The following RAP1GAP2 variants were observed in gnomAD, a reference collection of about 807,000 sequenced individuals.
The protein encoded by RAP1GAP2 is rap1 GTPase-activating protein 2.
In RAP1GAP2, 27 loss-of-function variants were observed where a neutral mutation model predicts 95.0. The observed-to-expected ratio is 0.28, with a 90% CI of 0.21 to 0.39. The LOEUF is 0.39. Ranked by LOEUF, RAP1GAP2 falls within the 10% of genes least tolerant of loss-of-function variation. RAP1GAP2 has a pLI of 1.00. For missense variants in RAP1GAP2, 771 were observed against 970.0 expected, an observed-to-expected ratio of 0.79 and a Z score of 2.72; for synonymous variants, 373 against 380.9, an observed-to-expected ratio of 0.98 and a Z score of 0.24.
In RAP1GAP2 at chr17:3,036,344, AACCC is replaced by A; in HGVS notation, c.*2985_*2988del. On this transcript the variant is annotated 3_prime_UTR_variant, in exon 25 of 25. Transcript: ENST00000254695. ...TGGCAAAGCTGGGATTAGAACCCTC[AACCC>A]AGGGTCCCTTCCTCTGCAGCGCCTA... The A allele has an allele frequency of 1.3e-5, 2 of 152,224 alleles. No homozygotes were observed. The highest frequency in any genetic ancestry group is 2.4e-5 in the African/African-American group (1 of 41,454). The allele number at this position is 152,224 out of a possible 1,614,324, so 9.4% of individuals were successfully genotyped here.
chr17:2,965,259 C>T lies in RAP1GAP2; in HGVS notation c.493-281C>T. 2.2e-6 allele frequency: 1 copy of T among 457,172 alleles called. No homozygotes were observed. Among genetic ancestry groups the T allele is most frequent in the East Asian group, 4.1e-5 (1 of 24,630 alleles). The allele number at this position is 457,172 out of a possible 1,614,324, so 28.3% of individuals were successfully genotyped here. On this transcript the variant is annotated intron_variant, in intron 7 of 24. Coordinates refer to ENST00000254695, the MANE Select transcript of RAP1GAP2 (RefSeq NM_015085.5). The surrounding 1 kb of genome is among the most constrained non-coding windows in gnomAD (Gnocchi z 4.7). ...CCTGGGCAGTGACTTAACCCCCCGA[C>T]CATTGGTTTTCCCATCTGTGAAATG...
rs900689645 is a variant in RAP1GAP2 at position 2,859,101 on chromosome 17, T to G, written c.81-46183T>G. ...ATGTGTCTCTTAATCTGTATTTTCCTCCAACTCTTTTTTTTTTTTTTTTTT... is the reference window on the plus strand; with the variant it reads ...ATGTGTCTCTTAATCTGTATTTTCCGCCAACTCTTTTTTTTTTTTTTTTTT... On this transcript the variant is annotated intron_variant, in intron 2 of 24. Transcript: ENST00000254695. Among the ~76,000 whole-genome samples, 17 of 149,834 alleles carry G rather than the reference T, an allele frequency of 1.1e-4. No homozygotes were observed. In the South Asian group the frequency reaches 3.6e-3, roughly 32 times the overall value.
At chr17:2,845,179 G>T (rs991002080) in intron 2 of RAP1GAP2, among the ~76,000 whole-genome samples, 3 of 152,184 alleles carry the variant, frequency 2.0e-5, no homozygotes, top group Admixed American at 2.0e-4. Flanking sequence ...GTCTCACTCT[G>T]TTGCTCACGC....
chr17:2,801,541 G>A (rs901850691), intron 2 of RAP1GAP2, among the ~76,000 whole-genome samples: 3 of 151,054 alleles, frequency 2.0e-5, no homozygotes, highest in Non-Finnish European at 2.9e-5. Flanking sequence ...TCCCAATCCT[G>A]GCAGTGACTT....
intron 17 of RAP1GAP2, among the ~76,000 whole-genome samples, chr17:3,015,537 G>A (rs2046730181): frequency 6.6e-6 from 1 of 152,140 alleles, no homozygotes; most frequent in Non-Finnish European, 1.5e-5. Context: ...GATGACTCAA[G>A]GCTGGGCGTG....
intron 2 of RAP1GAP2, among the ~76,000 whole-genome samples, chr17:2,821,397 A>G (rs556659670): frequency 5.0e-4 from 62 of 124,256 alleles, no homozygotes; most frequent in African/African-American, 1.9e-3. Flanking sequence ...TTTTTTTGAG[A>G]CGGAGTCTCG....
intron 8 of RAP1GAP2, among the ~76,000 whole-genome samples, chr17:2,973,071 T>G (rs1272072786): frequency 6.6e-6 from 1 of 152,112 alleles, no homozygotes; most frequent in Non-Finnish European, 1.5e-5. Context: ...GGAGGGTGTG[T>G]CTGAGTGTGT....
chr17:2,961,890 A>ATT lies in RAP1GAP2; in HGVS notation c.202-757_202-756dup, dbSNP rs34857082. 8.8e-3 allele frequency among the ~76,000 whole-genome samples: 984 copies of ATT among 111,954 alleles called. 1 individual carries two copies. The highest frequency in any genetic ancestry group is 0.013 in the Non-Finnish European group (722 of 56,152). 73.4% of individuals were successfully genotyped at this position (111,954 alleles called of 152,430 possible). ...CCTTACTGGCTCTGTGACCCTAAGGATTTTTTTTTTTTTTTTTTTTTTTTA... is the reference window on the plus strand; with the variant it reads ...CCTTACTGGCTCTGTGACCCTAAGGATTTTTTTTTTTTTTTTTTTTTTTTTTA... On this transcript the variant is annotated intron_variant, in intron 4 of 24. Transcript: ENST00000254695.
chr17:2,792,362 T>C (rs178576), upstream of RAP1GAP2, among the ~76,000 whole-genome samples: 147,908 of 152,296 alleles, frequency 0.97, 71,967 homozygotes, highest in East Asian at 1. Flanking sequence ...TGTTTCTGTT[T>C]GCTGATAAAC....
intron 2 of RAP1GAP2, among the ~76,000 whole-genome samples, chr17:2,771,239 T>C (rs1567635987): frequency 6.6e-6 from 1 of 152,194 alleles, no homozygotes; most frequent in East Asian, 1.9e-4. Context: ...TCCTTTCCCA[T>C]GCCAGAGAGT....
intron 2 of RAP1GAP2, among the ~76,000 whole-genome samples, chr17:2,856,274 G>A (rs2072131406): frequency 6.6e-6 from 1 of 152,248 alleles, no homozygotes; most frequent in East Asian, 1.9e-4. Context: ...TGGTTGGGGG[G>A]TGGAGAGGAA....
In RAP1GAP2 at chr17:3,036,268, T is replaced by C. The variant is rs2047462957; in HGVS notation, c.*2907T>C. 1 of 152,212 alleles carries C rather than the reference T, an allele frequency of 6.6e-6. No homozygotes were observed. Among genetic ancestry groups the C allele is most frequent in the African/African-American group, 2.4e-5 (1 of 41,456 alleles). The allele number at this position is 152,212 out of a possible 1,614,324, so 9.4% of individuals were successfully genotyped here. A position where few individuals can be genotyped will look rare whatever the true frequency, so the allele number is the denominator to read the frequency against. ...ACCATGTCATCGTCCAGATGAGAAA[T>C]CTTAGCCCAGGTGAGGGGAGTAACT... On this transcript the variant is annotated 3_prime_UTR_variant, in exon 25 of 25. Transcript: ENST00000254695.
intron 1 of RAP1GAP2, among the ~76,000 whole-genome samples, chr17:2,786,649 T>C (rs2068783948): frequency 6.6e-6 from 1 of 151,958 alleles, no homozygotes; most frequent in South Asian, 2.1e-4. Context: ...AATTTTTTTT[T>C]TTTTTAATGT....
intron 2 of RAP1GAP2, among the ~76,000 whole-genome samples, chr17:2,806,653 T>A (rs1466852403): frequency 6.6e-6 from 1 of 151,632 alleles, no homozygotes; most frequent in Non-Finnish European, 1.5e-5. Context: ...TGTCTCGGCC[T>A]CCCAAAGTGC....
intron 3 of RAP1GAP2, among the ~76,000 whole-genome samples, chr17:2,928,733 G>A (rs1045754565): frequency 2.3e-4 from 35 of 152,046 alleles, no homozygotes; most frequent in African/African-American, 7.5e-4. Context: ...AATTCTCCTC[G>A]CTTGATGCGT....
intron 8 of RAP1GAP2, among the ~76,000 whole-genome samples, chr17:2,969,595 A>G (rs2044770139): frequency 1.5e-5 from 2 of 134,476 alleles, no homozygotes; most frequent in African/African-American, 5.6e-5. Flanking sequence ...TGCAACTCCC[A>G]GGTTCAAGCA....
chr17:2,873,520 AGCT>A (rs1277969692), intron 2 of RAP1GAP2, among the ~76,000 whole-genome samples: 1 of 138,096 alleles, frequency 7.2e-6, no homozygotes, highest in African/African-American at 2.6e-5. Context: ...AAGCAGCAGC[AGCT>A]GCAGAAAGGT....
intron 16 of RAP1GAP2, among the ~76,000 whole-genome samples, chr17:3,006,832 AG>A (rs2046355807): frequency 6.7e-6 from 1 of 148,710 alleles, no homozygotes; most frequent in Admixed American, 6.6e-5. Flanking sequence ...GAGAGTACAC[AG>A]GGTAGTCGGG....
rs567471311 is a variant in RAP1GAP2 at position 2,939,386 on chromosome 17, G to A, written c.166-18373G>A. 5.9e-5 allele frequency among the ~76,000 whole-genome samples: 9 copies of A among 152,358 alleles called. No individual in the cohort carries two copies. In the South Asian group the frequency reaches 1.2e-3, roughly 21 times the overall value. On this transcript the variant is annotated intron_variant, in intron 3 of 24. Transcript: ENST00000254695. ...ATGACAGGCGGGAGCCGCCTTGCCC[G>A]GCGCACTTACTCTTTTAGCTCTTTC... is the stretch of plus-strand genomic sequence containing the variant.
Sources: allele counts gnomAD v4.1 joint callset (sites outside exome capture counted in the v4.1 genomes callset), GRCh38; gene constraint gnomAD v4.1.1; non-coding constraint Gnocchi (gnomAD v3.1); transcripts MANE v1.5; gene names NCBI Gene and HGNC (gene_info 2026-07-23, HGNC 2026-07-21).